SNTG1: variants seen among roughly 807,000 people sequenced by gnomAD.
SNTG1 encodes the protein syntrophin gamma 1, also known as gamma-1-syntrophin.
A neutral mutation model predicts 74.7 loss-of-function variants in SNTG1; 39 were observed. The observed-to-expected ratio is 0.52, with a 90% CI of 0.40 to 0.68. The LOEUF is 0.68. SNTG1 is among the 30% of genes least tolerant of loss of function. SNTG1 has a pLI of 0.00. For missense variants in SNTG1, 685 were observed against 609.5 expected (o/e 1.12, Z -1.30); for synonymous variants, 254 against 217.1 (o/e 1.17, Z -1.49).
In SNTG1 at chr8:50,588,470, G is replaced by A. The variant is rs188874628; in HGVS notation, c.811-2409G>A. ...GCCTTCCATTCCTGTGCAGTCAGTA[G>A]TTTGGTTAGTTAAGTGTATATTTCC... On this transcript the variant is annotated intron_variant, in intron 12 of 18. Transcript: ENST00000642720. 2.8e-3 allele frequency among the ~76,000 whole-genome samples: 429 copies of A among 152,208 alleles called. 6 individuals carry two copies. The highest frequency in any genetic ancestry group is 7.7e-3 in the African/African-American group (319 of 41,542).
intron 13 of SNTG1, among the ~76,000 whole-genome samples, chr8:50,628,355 T>C (rs769387985): frequency 7.9e-5 from 12 of 152,184 alleles, no homozygotes; most frequent in Non-Finnish European, 1.6e-4. Flanking sequence ...GTTCATTTAA[T>C]TGGTAGATGC....
intron 2 of SNTG1, among the ~76,000 whole-genome samples, chr8:50,366,750 A>G (rs1435445516): frequency 2.7e-5 from 4 of 146,516 alleles, no homozygotes; most frequent in Non-Finnish European, 6.0e-5. Context: ...CATATATTTT[A>G]TATATAATAT....
intron 18 of SNTG1, among the ~76,000 whole-genome samples, chr8:50,773,416 A>G (rs2095632278): frequency 6.6e-6 from 1 of 152,178 alleles, no homozygotes; most frequent in South Asian, 2.1e-4. Context: ...AAGAAAGTAA[A>G]GACTTAGAAA....
chr8:50,020,090 G>C (rs1816687338), intron 1 of SNTG1, among the ~76,000 whole-genome samples: 1 of 152,090 alleles, frequency 6.6e-6, no homozygotes, highest in African/African-American at 2.4e-5. Flanking sequence ...TTCAGCATGG[G>C]ATTCCCCATT....
chr8:50,641,972 T>A (rs925230307), intron 13 of SNTG1, among the ~76,000 whole-genome samples: 2 of 152,242 alleles, frequency 1.3e-5, no homozygotes, highest in Non-Finnish European at 1.5e-5. Flanking sequence ...GACTAGACCA[T>A]GCCTTAGAAC....
At chr8:50,473,943 G>T (rs2093674158) in intron 8 of SNTG1, among the ~76,000 whole-genome samples, 1 of 152,082 alleles carries the variant, frequency 6.6e-6, no homozygotes. Flanking sequence ...ATTGTTTTAG[G>T]GGTATAGAAT....
intron 15 of SNTG1, among the ~76,000 whole-genome samples, chr8:50,692,016 T>C (rs1184966833): frequency 6.6e-6 from 1 of 152,232 alleles, no homozygotes; most frequent in East Asian, 1.9e-4. Flanking sequence ...CCATCACTGA[T>C]ACCCTTTCTT....
At chr8:50,326,203 C>A (rs1177807889) in intron 2 of SNTG1, among the ~76,000 whole-genome samples, 5 of 151,886 alleles carry the variant, frequency 3.3e-5, no homozygotes, top group African/African-American at 9.7e-5. Context: ...TAGTGTAATA[C>A]CTGCCTCAAA....
intron 2 of SNTG1, among the ~76,000 whole-genome samples, chr8:50,358,941 A>G (rs1294892331): frequency 2.0e-5 from 3 of 152,104 alleles, no homozygotes; most frequent in Non-Finnish European, 2.9e-5. Context: ...TTGTTTCTCA[A>G]TGTTATGGGA....
At chr8:50,037,585 C>T (rs755607521) in intron 1 of SNTG1, among the ~76,000 whole-genome samples, 1 of 152,196 alleles carries the variant, frequency 6.6e-6, no homozygotes, top group Non-Finnish European at 1.5e-5. Context: ...TCCTGCTTCT[C>T]CTAATATATG....
chr8:50,762,746 C>T, intron 18 of SNTG1: 1 of 481,382 alleles, frequency 2.1e-6, no homozygotes, highest in Non-Finnish European at 4.2e-6. Flanking sequence ...CATGATGTGG[C>T]ACTGGACACA....
At chr8:50,512,403 C>T (rs2129968056) in intron 9 of SNTG1, among the ~76,000 whole-genome samples, 1 of 152,136 alleles carries the variant, frequency 6.6e-6, no homozygotes, top group African/African-American at 2.4e-5. Flanking sequence ...CTTGGAGTTG[C>T]TCTTCTCGAG....
At chr8:50,118,344 T>G (rs1335901063) in intron 1 of SNTG1, among the ~76,000 whole-genome samples, 2 of 152,190 alleles carry the variant, frequency 1.3e-5, no homozygotes, top group Non-Finnish European at 2.9e-5. Context: ...TTTCAATATT[T>G]TATTTCAAAT....
intron 1 of SNTG1, among the ~76,000 whole-genome samples, chr8:50,047,954 A>G (rs754501423): frequency 6.6e-6 from 1 of 152,130 alleles, no homozygotes; most frequent in Non-Finnish European, 1.5e-5. Context: ...AAATTCGATA[A>G]TCATACTAAT....
At chr8:50,582,551 T>C (rs746344973) in intron 12 of SNTG1, among the ~76,000 whole-genome samples, 43 of 152,170 alleles carry the variant, frequency 2.8e-4, no homozygotes, top group Non-Finnish European at 5.6e-4. Flanking sequence ...TGGGTGTGTG[T>C]GTGTGTACAT....
Position 50,015,014 on chromosome 8 carries a change from G to GAAA in SNTG1, c.-103+102792_-103+102794dup, listed in dbSNP as rs968461972. 7.3e-5 allele frequency among the ~76,000 whole-genome samples: 10 copies of GAAA among 136,762 alleles called. 1 individual carries two copies. Among genetic ancestry groups the GAAA allele is most frequent in the African/African-American group, 2.4e-4 (9 of 37,752 alleles). The allele number at this position is 136,762 out of a possible 152,430, so 89.7% of individuals were successfully genotyped here. A position where few individuals can be genotyped will look rare whatever the true frequency, so the allele number is the denominator to read the frequency against. On this transcript the variant is annotated intron_variant, in intron 1 of 18. Coordinates refer to ENST00000642720, the MANE Select transcript of SNTG1 (RefSeq NM_018967.5). Reference sequence around the variant, plus strand: ...AGTAGAAAAGTATACCACATGCACAGAAAAAAAAAAAGCCAACAAAAAATG... The same window carrying GAAA: ...AGTAGAAAAGTATACCACATGCACAGAAAAAAAAAAAAAAGCCAACAAAAAATG...
At chr8:50,418,913 C>T (rs1587550134) in intron 4 of SNTG1, among the ~76,000 whole-genome samples, 2 of 152,194 alleles carry the variant, frequency 1.3e-5, no homozygotes, top group East Asian at 3.9e-4. Flanking sequence ...AAAAATATAT[C>T]CAGGATATAT....
chr8:50,412,576 A>G (rs2092963282), intron 4 of SNTG1, among the ~76,000 whole-genome samples: 1 of 152,194 alleles, frequency 6.6e-6, no homozygotes, highest in Non-Finnish European at 1.5e-5. Flanking sequence ...TATTAACATG[A>G]CACATGATAC....
chr8:50,567,166 ATGATCTT>A (rs1299087590), intron 12 of SNTG1, among the ~76,000 whole-genome samples: 2 of 152,200 alleles, frequency 1.3e-5, no homozygotes, highest in Admixed American at 1.3e-4. Context: ...TTAAGCAGCT[ATGATCTT>A]TGCCAAGTGA....
Sources: allele counts gnomAD v4.1 joint callset (sites outside exome capture counted in the v4.1 genomes callset), GRCh38; gene constraint gnomAD v4.1.1; transcripts MANE v1.5; gene names NCBI Gene and HGNC (gene_info 2026-07-23, HGNC 2026-07-21).